The following SPNS1 variants were observed in gnomAD, a reference collection of about 807,000 sequenced individuals.
SPNS1 encodes the protein SPNS lysolipid transporter 1, lysophospholipid.
Under a neutral mutation model 50.3 loss-of-function variants are expected in SPNS1, and 22 were observed. The ratio of observed to expected loss-of-function variants is 0.44; its 90% CI spans 0.31 to 0.62. SPNS1 has a LOEUF of 0.62. SPNS1 is among the 20% of genes least tolerant of loss of function. SPNS1 has a pLI of 0.07. For missense variants in SPNS1, 576 were observed against 728.6 expected (o/e 0.79, Z 2.41); for synonymous variants, 295 against 317.4 (o/e 0.93, Z 0.75).
At chr16:28,978,187 T>A in intron 3 of SPNS1, 143 bp downstream of exon 3, 2 of 1,105,572 alleles carry the variant, frequency 1.8e-6, no homozygotes, top group Non-Finnish European at 1.3e-6. Context: ...CCTCCTTGCC[T>A]GAGTTAACCT....
Position 28,983,639 on chromosome 16 carries a change from T to C in SPNS1, c.1321-147T>C. The C allele has an allele frequency of 1.1e-6, 1 of 948,696 alleles. No homozygotes were observed. Among genetic ancestry groups the C allele is most frequent in the East Asian group, 2.6e-5 (1 of 38,980 alleles). 58.8% of individuals were successfully genotyped at this position (948,696 alleles called of 1,614,324 possible). A position where few individuals can be genotyped will look rare whatever the true frequency, so the allele number is the denominator to read the frequency against. ...ACCTCAGCCTCCTGAGTAGCTGGGA[T>C]GATAGGCATGAGCCACTGCATCTAG... On this transcript the variant is annotated intron_variant, in intron 10 of 11. Coordinates refer to ENST00000311008, the MANE Select transcript of SPNS1 (RefSeq NM_032038.3). This position sits in a 1 kb window ranked among gnomAD's most constrained non-coding sequence, Gnocchi z 5.4.
chr16:28,983,372 G>A lies in SPNS1; in HGVS notation c.1320+82G>A. 1 of 1,122,544 alleles carries A rather than the reference G, an allele frequency of 8.9e-7. No homozygotes were observed. The highest frequency in any genetic ancestry group is 1.2e-5 in the South Asian group (1 of 80,126). The allele number at this position is 1,122,544 out of a possible 1,614,324, so 69.5% of individuals were successfully genotyped here. On this transcript the variant is annotated intron_variant, in intron 10 of 11. Coordinates refer to ENST00000311008, the MANE Select transcript of SPNS1 (RefSeq NM_032038.3). The surrounding 1 kb of genome is among the most constrained non-coding windows in gnomAD (Gnocchi z 5.4). ...TCAGAAGGCCTGGCCCTAGTGAAGTGTCTGTGTCCTGCGTGCTGGGCACTT... is the reference window on the plus strand; with the variant it reads ...TCAGAAGGCCTGGCCCTAGTGAAGTATCTGTGTCCTGCGTGCTGGGCACTT...
rs1965565096 is a variant in SPNS1, at chr16:28,981,854, T to C, written c.810-47T>C. On this transcript the variant is annotated intron_variant, in intron 6 of 11. Transcript: ENST00000311008. The surrounding 1 kb of genome is among the most constrained non-coding windows in gnomAD (Gnocchi z 4.2). Reference sequence around the variant, plus strand: ...GGGAGAAGAGAGGTCCCCTCCTGCCTCGACACCTCCGTGGGGTCTTACTCT... The same window carrying C: ...GGGAGAAGAGAGGTCCCCTCCTGCCCCGACACCTCCGTGGGGTCTTACTCT... 1 of 1,607,364 alleles carries C rather than the reference T, an allele frequency of 6.2e-7. No individual in the cohort carries two copies. The highest frequency in any genetic ancestry group is 1.7e-5 in the Admixed American group (1 of 59,952).
chr16:28,983,978 G>A lies in SPNS1; in HGVS notation c.1492+21G>A, dbSNP rs118086285. The stretch of plus-strand genomic sequence containing the variant: ...GCAGGGTCAGTTAGGAGCTGTGCCC[G>A]GCCCAGCTTCTTGATCTGCCTGTCT... On this transcript the variant is annotated intron_variant, in intron 11 of 11. Transcript: ENST00000311008. The surrounding 1 kb of genome is among the most constrained non-coding windows in gnomAD (Gnocchi z 5.4). 29,851 of 1,534,518 alleles carry A rather than the reference G, an allele frequency of 0.019. 374 individuals are homozygous for A. Among genetic ancestry groups the A allele is most frequent in the Non-Finnish European group, 0.024 (27,786 of 1,145,812 alleles).
chr16:28,981,652 C>T lies in SPNS1; in HGVS notation c.809+37C>T. 1.9e-6 allele frequency: 3 copies of T among 1,605,950 alleles called. No individual in the cohort carries two copies. Among genetic ancestry groups the T allele is most frequent in the Non-Finnish European group, 1.7e-6 (2 of 1,174,662 alleles). ...CCCACCCTAGACCACCATCTGAGGC[C>T]CCCTGGCGTCTGGTTTGAGGTTTAA... On this transcript the variant is annotated intron_variant, in intron 6 of 11. Coordinates refer to ENST00000311008, the MANE Select transcript of SPNS1 (RefSeq NM_032038.3). This position sits in a 1 kb window ranked among gnomAD's most constrained non-coding sequence, Gnocchi z 4.2.
rs1315966450 is a variant in SPNS1, at chr16:28,983,099, C to T, written c.1222-93C>T. On this transcript the variant is annotated intron_variant, in intron 9 of 11. Transcript: ENST00000311008. This position sits in a 1 kb window ranked among gnomAD's most constrained non-coding sequence, Gnocchi z 5.4. ...TCAACCCCAGGCACACCTCTGACCCCGGCCTAGGCGGATCCTTGGTGGTCT... is the reference window on the plus strand; with the variant it reads ...TCAACCCCAGGCACACCTCTGACCCTGGCCTAGGCGGATCCTTGGTGGTCT... 20 of 1,251,134 alleles carry T rather than the reference C, an allele frequency of 1.6e-5. No individual in the cohort carries two copies. Among genetic ancestry groups the T allele is most frequent in the South Asian group, 2.5e-5 (2 of 80,338 alleles). 77.5% of individuals were successfully genotyped at this position (1,251,134 alleles called of 1,614,324 possible).
At position 28,984,342 on chromosome 16, in the gene SPNS1, C is replaced by G. The variant is rs766664039; in HGVS notation, c.*43C>G. 3.2e-6 allele frequency: 5 copies of G among 1,584,828 alleles called. No individual in the cohort carries two copies. In the East Asian group the frequency reaches 9.0e-5, roughly 29 times the overall value. ...ACCTGCACATCTGCCACAGCTGGCC[C>G]TGGGCCCACCCCACGAAGGGCCTGG... On this transcript the variant is annotated 3_prime_UTR_variant, in exon 12 of 12. Transcript: ENST00000311008.
intron 2 of SPNS1, among the ~76,000 whole-genome samples, chr16:28,977,491 G>A (rs8044724): frequency 0.13 from 20,023 of 151,992 alleles, 3,177 homozygotes; most frequent in African/African-American, 0.35. Context: ...GATAGAGGAG[G>A]CAGTAGGTGC....
In SPNS1 at chr16:28,979,301, G is replaced by A; in HGVS notation, c.591G>A (p.Val197=). The A allele has an allele frequency of 2.5e-6, 4 of 1,614,184 alleles. No homozygotes were observed. Among genetic ancestry groups the A allele is most frequent in the Non-Finnish European group, 1.7e-6 (2 of 1,180,026 alleles). The change falls in exon 4 of 12, where the codon GTG becomes GTA. Residue 197 remains valine, a synonymous_variant. Transcript: ENST00000311008. ...MLSIFYFAIP[V]GSGLGYIAGS... ...GCATCTTCTACTTTGCCATTCCGGT[G>A]GGCAGGTGAGTGGGCCTGGGGCCTG...
rs1385305785 is a variant in SPNS1 at position 28,981,643 on chromosome 16, A to G, written c.809+28A>G. ...GAGTTTATTCCCACCCTAGACCACC[A>G]TCTGAGGCCCCCTGGCGTCTGGTTT... On this transcript the variant is annotated intron_variant, in intron 6 of 11. Coordinates refer to ENST00000311008, the MANE Select transcript of SPNS1 (RefSeq NM_032038.3). This position sits in a 1 kb window ranked among gnomAD's most constrained non-coding sequence, Gnocchi z 4.2. 1.2e-6 allele frequency: 2 copies of G among 1,609,712 alleles called. No homozygotes were observed. Among genetic ancestry groups the G allele is most frequent in the East Asian group, 2.2e-5 (1 of 44,788 alleles).
At chr16:28,984,659 C>T (rs1241683766), downstream of SPNS1, 2 of 629,590 alleles carry the variant, frequency 3.2e-6, no homozygotes, top group Non-Finnish European at 2.8e-6. Flanking sequence ...GAGTCTCTGC[C>T]CTTCTGGGCT....
chr16:28,984,747 G>A (rs1252621688), downstream of SPNS1: 28 of 949,544 alleles, frequency 2.9e-5, no homozygotes, highest in Non-Finnish European at 3.8e-5. Context: ...CTGCTTCCCT[G>A]GAGCCTGTCC....
chr16:28,974,792 A>C lies in SPNS1; in HGVS notation c.-360A>C, dbSNP rs1369235240. 1.3e-6 allele frequency: 2 copies of C among 1,535,552 alleles called. No homozygotes were observed. The highest frequency in any genetic ancestry group is 2.4e-5 in the East Asian group (1 of 41,004). ...GCTCCCGCGTCACATGACCGGCTTT[A>C]AGCAACATGGCGGCTGCCGTGGTGC... On this transcript the variant is annotated 5_prime_UTR_variant, in exon 1 of 12. Coordinates refer to ENST00000311008, the MANE Select transcript of SPNS1 (RefSeq NM_032038.3).
Position 28,981,477 on chromosome 16 carries a change from C to T in SPNS1, c.671C>T (p.Pro224Leu), listed in dbSNP as rs755825693. 7.4e-6 allele frequency: 12 copies of T among 1,614,016 alleles called. No homozygotes were observed. In the East Asian group the frequency reaches 1.3e-4, roughly 18 times the overall value. Residue 224 changes from proline to leucine, a missense_variant, in exon 6 of 12, where the codon CCG becomes CTG. Coordinates refer to ENST00000311008, the MANE Select transcript of SPNS1 (RefSeq NM_032038.3). This position sits in a 1 kb window ranked among gnomAD's most constrained non-coding sequence, Gnocchi z 4.2. ...AAGCCCTCTGTCTCCCAGGTGACAC[C>T]GGGTCTAGGAGTGGTGGCCGTTCTG... ...GDWHWALRVT[P>L]GLGVVAVLLL...
In SPNS1 at chr16:28,979,139, C is replaced by T. The variant is rs200644762; in HGVS notation, c.445-16C>T. 2.6e-5 allele frequency: 42 copies of T among 1,610,510 alleles called. No homozygotes were observed. The highest frequency in any genetic ancestry group is 1.5e-4 in the Admixed American group (9 of 59,908). ...TGCAGGCTGGGGTGCCACCTCTCCCCGGTCTCTCTCCCCAGCATTTCTGGC... is the reference window on the plus strand; with the variant it reads ...TGCAGGCTGGGGTGCCACCTCTCCCTGGTCTCTCTCCCCAGCATTTCTGGC... On this transcript the variant is annotated splice_polypyrimidine_tract_variant and intron_variant, in intron 3 of 11. Transcript: ENST00000311008.
chr16:28,981,501 T>C lies in SPNS1; in HGVS notation c.695T>C (p.Leu232Pro). Residue 232 changes from leucine (L) to proline (P), a missense_variant, in exon 6 of 12, where the codon CTG (leucine) becomes CCG (proline). Transcript: ENST00000311008. The surrounding 1 kb of genome is among the most constrained non-coding windows in gnomAD (Gnocchi z 4.2). ...CCGGGTCTAGGAGTGGTGGCCGTTC[T>C]GCTGCTGTTCCTGGTAGTGCGGGAG... ...VTPGLGVVAV[L>P]LLFLVVREPP... The C allele has an allele frequency of 6.2e-7, 1 of 1,614,158 alleles. No homozygotes were observed. Among genetic ancestry groups the C allele is most frequent in the Non-Finnish European group, 8.5e-7 (1 of 1,180,018 alleles).
Position 28,982,841 on chromosome 16 carries a change from C to T in SPNS1, c.1156-16C>T, listed in dbSNP as rs994513875. The T allele has an allele frequency of 1.1e-5, 18 of 1,613,696 alleles. No homozygotes were observed. The highest frequency in any genetic ancestry group is 1.4e-5 in the Non-Finnish European group (17 of 1,179,956). ...AGCCCTTACTGTCATGAACCCCCGA[C>T]CCTCTCTTCCCCCAGATTTTCATCT... On this transcript the variant is annotated splice_polypyrimidine_tract_variant and intron_variant, in intron 8 of 11. Transcript: ENST00000311008.
At chr16:28,978,131 G>T (rs1279697922) in intron 3 of SPNS1, 87 bp downstream of exon 3, 4 of 1,535,078 alleles carry the variant, frequency 2.6e-6, no homozygotes, top group Non-Finnish European at 3.5e-6. Flanking sequence ...GGCAGACTGG[G>T]CCTCAGGGAC....
chr16:28,983,874 T>C lies in SPNS1; in HGVS notation c.1409T>C (p.Val470Ala), dbSNP rs763749687. ...LQFSLMLCAF[V>A]GALGGAAFLG... Reference sequence around the variant, plus strand: ...TTCTCGCTCATGCTCTGCGCGTTTGTTGGGGCACTGGGCGGCGCAGCCTTC... The same window carrying C: ...TTCTCGCTCATGCTCTGCGCGTTTGCTGGGGCACTGGGCGGCGCAGCCTTC... The change falls in exon 11 of 12, where the codon GTT becomes GCT. Residue 470 changes from valine (V) to alanine (A), a missense_variant. Around this residue, in one of 3 missense-constraint regions of SPNS1, gnomAD observed 428 missense variants for 520.1 expected, o/e 0.82. Coordinates refer to ENST00000311008, the MANE Select transcript of SPNS1 (RefSeq NM_032038.3). This position sits in a 1 kb window ranked among gnomAD's most constrained non-coding sequence, Gnocchi z 5.4. 5.0e-6 allele frequency: 8 copies of C among 1,603,652 alleles called. No homozygotes were observed. The South Asian group carries it at 8.8e-5, about 18-fold the overall frequency.
Sources: allele counts gnomAD v4.1 joint callset (sites outside exome capture counted in the v4.1 genomes callset), GRCh38; gene constraint gnomAD v4.1.1; regional missense constraint gnomAD v4.1.1; non-coding constraint Gnocchi (gnomAD v3.1); transcripts MANE v1.5; gene names NCBI Gene and HGNC (gene_info 2026-07-23, HGNC 2026-07-21).